Variants in FAM83B observed in about 807,000 individuals in gnomAD.
FAM83B encodes scaffolding CK1 anchoring protein B.
Under a neutral mutation model 38.8 loss-of-function variants are expected in FAM83B, and 26 were observed. The observed-to-expected ratio is 0.67, with a 90% CI of 0.49 to 0.93. The LOEUF (loss-of-function observed/expected upper bound fraction) is 0.93. Among genes scored for constraint, FAM83B ranks in the 40% least tolerant of loss-of-function variants. The pLI is 0.00. For synonymous variants in FAM83B, 419 were observed against 423.1 expected, an observed-to-expected ratio of 0.99 and a Z score of 0.12; for missense variants, 1,237 against 1,197.3, an observed-to-expected ratio of 1.03 and a Z score of -0.49.
intron 2 of FAM83B, among the ~76,000 whole-genome samples, chr6:54,917,696 C>T (rs1321468117): frequency 6.6e-6 from 1 of 151,926 alleles, no homozygotes; most frequent in Non-Finnish European, 1.5e-5. Context: ...TTAAATAGCA[C>T]CAGTGAAAAT....
intron 1 of FAM83B, among the ~76,000 whole-genome samples, chr6:54,854,516 A>G (rs1039864432): frequency 2.0e-5 from 3 of 152,212 alleles, no homozygotes; most frequent in Non-Finnish European, 4.4e-5. Context: ...TGGCAAAAAG[A>G]TTACAACTTG....
chr6:54,906,013 A>G (rs917147909), intron 2 of FAM83B, among the ~76,000 whole-genome samples: 1 of 151,442 alleles, frequency 6.6e-6, no homozygotes, highest in Non-Finnish European at 1.5e-5. Flanking sequence ...ATTCTCCCTG[A>G]CACTATCCTT....
intron 2 of FAM83B, among the ~76,000 whole-genome samples, chr6:54,880,627 T>A (rs1772112418): frequency 6.6e-6 from 1 of 152,004 alleles, no homozygotes; most frequent in African/African-American, 2.4e-5. Flanking sequence ...GTATTTTTAA[T>A]AGAGACAGGG....
At chr6:54,904,550 A>G (rs1378546776) in intron 2 of FAM83B, among the ~76,000 whole-genome samples, 2 of 152,326 alleles carry the variant, frequency 1.3e-5, no homozygotes, top group Admixed American at 6.5e-5. Context: ...ATGAGAGCCC[A>G]GTACATTTTT....
intron 1 of FAM83B, among the ~76,000 whole-genome samples, chr6:54,857,101 C>G (rs555999703): frequency 6.6e-6 from 1 of 152,290 alleles, no homozygotes; most frequent in South Asian, 2.1e-4. Context: ...CATAACTAAA[C>G]AAAATACATT....
chr6:54,862,022 G>A (rs954576737), intron 1 of FAM83B, among the ~76,000 whole-genome samples: 5 of 152,174 alleles, frequency 3.3e-5, no homozygotes, highest in Admixed American at 2.0e-4. Flanking sequence ...CAAGGTATAC[G>A]TGTAAGAATG....
intron 2 of FAM83B, among the ~76,000 whole-genome samples, chr6:54,910,875 C>CT (rs1466183038): frequency 7.5e-6 from 1 of 133,196 alleles, no homozygotes; most frequent in East Asian, 5.4e-4. Context: ...CTTTGAAGAA[C>CT]TGTTTTTTTT....
intron 4 of FAM83B, among the ~76,000 whole-genome samples, chr6:54,932,184 G>A (rs1245459603): frequency 6.6e-6 from 1 of 151,720 alleles, no homozygotes; most frequent in Non-Finnish European, 1.5e-5. Flanking sequence ...GTAATATTTT[G>A]TATTTTTAGT....
intron 2 of FAM83B, among the ~76,000 whole-genome samples, chr6:54,871,745 CAA>C (rs34323872): frequency 1.0e-4 from 3 of 29,030 alleles, no homozygotes; most frequent in African/African-American, 4.3e-4. Flanking sequence ...CCTGTCTCAC[CAA>C]AAAAAAAAAA....
At chr6:54,875,934 T>C (rs1035315143) in intron 2 of FAM83B, among the ~76,000 whole-genome samples, 2 of 152,162 alleles carry the variant, frequency 1.3e-5, no homozygotes, top group Admixed American at 6.5e-5. Context: ...ATTTTATGTT[T>C]GTTGAAGCAA....
chr6:54,939,461 C>A (rs987426377), intron 4 of FAM83B, among the ~76,000 whole-genome samples: 1 of 151,950 alleles, frequency 6.6e-6, no homozygotes, highest in African/African-American at 2.4e-5. Flanking sequence ...AAATGCACAG[C>A]AAGTTTTTCT....
At chr6:54,880,603 C>A (rs1339980797) in intron 2 of FAM83B, among the ~76,000 whole-genome samples, 1 of 151,826 alleles carries the variant, frequency 6.6e-6, no homozygotes, top group Non-Finnish European at 1.5e-5. Flanking sequence ...CGCCACCATG[C>A]CTTGCTAATT....
At chr6:54,919,857 G>A (rs1039829798) in intron 2 of FAM83B, among the ~76,000 whole-genome samples, 1 of 151,846 alleles carries the variant, frequency 6.6e-6, no homozygotes, top group Non-Finnish European at 1.5e-5. Context: ...TTGGAACCGG[G>A]TACATGCAAG....
intron 2 of FAM83B, among the ~76,000 whole-genome samples, chr6:54,882,487 T>C (rs1181771365): frequency 6.6e-6 from 1 of 152,208 alleles, no homozygotes; most frequent in African/African-American, 2.4e-5. Flanking sequence ...TATTTGAGCC[T>C]GGGTCATGGG....
intron 4 of FAM83B, among the ~76,000 whole-genome samples, chr6:54,930,485 T>G (rs1312807210): frequency 6.6e-6 from 1 of 152,124 alleles, no homozygotes; most frequent in Non-Finnish European, 1.5e-5. Flanking sequence ...TTCCTCATTT[T>G]GTTTCCAAGT....
intron 2 of FAM83B, among the ~76,000 whole-genome samples, chr6:54,871,592 A>G (rs184888280): frequency 3.4e-5 from 5 of 146,574 alleles, no homozygotes; most frequent in South Asian, 4.3e-4. Flanking sequence ...TAATAATAAT[A>G]ATAAGCCGGA....
At chr6:54,848,727 G>A (rs1771197983) in intron 1 of FAM83B, among the ~76,000 whole-genome samples, 1 of 152,144 alleles carries the variant, frequency 6.6e-6, no homozygotes, top group East Asian at 1.9e-4. Flanking sequence ...ATACTGAGTT[G>A]CCAAAATGTA....
At position 54,939,767 on chromosome 6, in the gene FAM83B, G is replaced by A. The variant is rs1343063283; in HGVS notation, c.796G>A (p.Val266Ile). Reference protein sequence around the residue: ...SMVQIITGQLVESFDEEFRTL... With the variant: ...SMVQIITGQLIESFDEEFRTL... ...GGTTCAGATAATTACAGGACAACTTGTTGAGTCCTTTGATGAAGAATTTAG... is the reference window on the plus strand; with the variant it reads ...GGTTCAGATAATTACAGGACAACTTATTGAGTCCTTTGATGAAGAATTTAG... The change falls in exon 5 of 5, where the codon GTT becomes ATT. Residue 266 changes from valine (V) to isoleucine (I), a missense_variant. Transcript: ENST00000306858. The A allele has an allele frequency of 6.2e-7, 1 of 1,613,844 alleles. No individual in the cohort carries two copies. Among genetic ancestry groups the A allele is most frequent in the Non-Finnish European group, 8.5e-7 (1 of 1,179,888 alleles).
At chr6:54,939,635 C>G in intron 4 of FAM83B, 71 bp from the exon 5 acceptor site, 1 of 1,378,440 alleles carries the variant, frequency 7.3e-7, no homozygotes, top group Non-Finnish European at 9.7e-7. Context: ...TTAAGTGATA[C>G]TTTTTTTAGT....
Sources: allele counts gnomAD v4.1 joint callset (sites outside exome capture counted in the v4.1 genomes callset), GRCh38; gene constraint gnomAD v4.1.1; transcripts MANE v1.5; gene names NCBI Gene and HGNC (gene_info 2026-07-23, HGNC 2026-07-21).